SYCP2L: variants seen among roughly 807,000 people sequenced by gnomAD.
SYCP2L encodes synaptonemal complex protein 2-like.
A neutral mutation model predicts 125.8 loss-of-function variants in SYCP2L; 98 were observed. The observed-to-expected ratio is 0.78, with a 90% confidence interval of 0.66 to 0.92. The LOEUF is 0.92. Ranked by LOEUF, SYCP2L falls within the 40% of genes least tolerant of loss-of-function variation. The pLI is 0.00. For missense variants in SYCP2L, 842 were observed against 936.4 expected (o/e 0.90, Z 1.32); for synonymous variants, 317 against 325.4 (o/e 0.97, Z 0.28).
rs1781547484 is a variant in SYCP2L at position 10,958,819 on chromosome 6, T to C, written c.2199T>C (p.Asn733=). 5 of 1,613,724 alleles carry C rather than the reference T, an allele frequency of 3.1e-6. No homozygotes were observed. Among genetic ancestry groups the C allele is most frequent in the Non-Finnish European group, 4.2e-6 (5 of 1,179,906 alleles). The change falls in exon 26 of 30, where the codon AAT becomes AAC. Residue 733 remains asparagine, a synonymous_variant. Transcript: ENST00000283141. ...GAAAGCGTCCGTTTAATTCAGAAAA[T>C]GCAAAGAAAGCACCGGATTGCCTAA... ...RYRKRPFNSE[N]AKKAPDCLIK...
intron 1 of SYCP2L, among the ~76,000 whole-genome samples, chr6:10,887,661 A>C (rs1202937447): frequency 6.6e-6 from 1 of 152,288 alleles, no homozygotes; most frequent in Non-Finnish European, 1.5e-5. Context: ...TGTTTCTAAC[A>C]TTCTTCTGCC....
chr6:10,959,881 A>AG (rs1210909781), intron 26 of SYCP2L, among the ~76,000 whole-genome samples: 3 of 151,498 alleles, frequency 2.0e-5, no homozygotes, highest in Non-Finnish European at 2.9e-5. Flanking sequence ...AAAAAAAAAA[A>AG]AAAGAAAGAA....
intron 23 of SYCP2L, among the ~76,000 whole-genome samples, chr6:10,950,316 G>A (rs575349298): frequency 3.8e-4 from 58 of 152,076 alleles, no homozygotes; most frequent in South Asian, 1.5e-3. Context: ...TTTCATGAGC[G>A]TTCCGTGCCG....
At chr6:10,930,938 C>T (rs536183318) in intron 19 of SYCP2L, among the ~76,000 whole-genome samples, 2 of 152,186 alleles carry the variant, frequency 1.3e-5, no homozygotes, top group East Asian at 1.9e-4. Context: ...TTTGGGAGGC[C>T]GAGGTGGGAG....
intron 10 of SYCP2L, among the ~76,000 whole-genome samples, chr6:10,907,910 T>TG (rs1780529503): frequency 6.8e-6 from 1 of 146,984 alleles, no homozygotes; most frequent in Non-Finnish European, 1.5e-5. Context: ...TTTTTTTTTT[T>TG]GACAGAGTCT....
intron 29 of SYCP2L, among the ~76,000 whole-genome samples, chr6:10,968,946 TCA>T (rs1781723458): frequency 6.6e-6 from 1 of 152,198 alleles, no homozygotes; most frequent in Non-Finnish European, 1.5e-5. Flanking sequence ...TCATGGAGGA[TCA>T]CAGAGTACAT....
At chr6:10,956,530 C>T (rs1040236928) in intron 25 of SYCP2L, among the ~76,000 whole-genome samples, 11 of 152,120 alleles carry the variant, frequency 7.2e-5, no homozygotes, top group African/African-American at 1.9e-4. Context: ...ACTTGAAATT[C>T]GCTAAGAGAG....
chr6:10,961,654 A>G, intron 28 of SYCP2L, 96 bp downstream of exon 28: 2 of 1,225,136 alleles, frequency 1.6e-6, no homozygotes, highest in Admixed American at 1.8e-5. Flanking sequence ...TAAAACTCCC[A>G]TAACTAATGA....
chr6:10,906,450 A>G (rs1278104242), intron 9 of SYCP2L, among the ~76,000 whole-genome samples: 1 of 152,166 alleles, frequency 6.6e-6, no homozygotes, highest in Non-Finnish European at 1.5e-5. Flanking sequence ...AACATGCATT[A>G]TCATTTTGCA....
intron 1 of SYCP2L, among the ~76,000 whole-genome samples, chr6:10,888,394 TATC>T (rs1239577699): frequency 2.0e-5 from 3 of 152,004 alleles, no homozygotes; most frequent in East Asian, 1.9e-4. Flanking sequence ...AGCGCCCGGC[TATC>T]ATCATGTTTT....
chr6:10,966,867 G>T (rs1781689137), intron 29 of SYCP2L, among the ~76,000 whole-genome samples: 1 of 152,114 alleles, frequency 6.6e-6, no homozygotes, highest in Non-Finnish European at 1.5e-5. Flanking sequence ...TGAATGAAAT[G>T]TAGAAATAAC....
intron 29 of SYCP2L, among the ~76,000 whole-genome samples, chr6:10,968,236 G>C (rs576917120): frequency 6.6e-6 from 1 of 152,310 alleles, no homozygotes; most frequent in African/African-American, 2.4e-5. Flanking sequence ...ACATAGCTGT[G>C]GTGGCACTGA....
At chr6:10,962,944 C>T (rs535562179) in intron 28 of SYCP2L, among the ~76,000 whole-genome samples, 1 of 152,262 alleles carries the variant, frequency 6.6e-6, no homozygotes, top group African/African-American at 2.4e-5. Flanking sequence ...CTTCACAGAA[C>T]CTTTGGTTTC....
intron 21 of SYCP2L, among the ~76,000 whole-genome samples, chr6:10,936,045 T>A (rs1348921415): frequency 6.8e-6 from 1 of 147,860 alleles, no homozygotes; most frequent in Non-Finnish European, 1.5e-5. Flanking sequence ...TTTATTATTA[T>A]TAATAACAAT....
At chr6:10,907,719 C>A in intron 10 of SYCP2L, 35 bp downstream of exon 10, 1 of 1,603,860 alleles carries the variant, frequency 6.2e-7, no homozygotes, top group Non-Finnish European at 8.5e-7. Context: ...TCTTATTAGC[C>A]AATATTTATT....
chr6:10,911,090 A>G (rs1383969743), intron 12 of SYCP2L, among the ~76,000 whole-genome samples: 1 of 152,128 alleles, frequency 6.6e-6, no homozygotes, highest in African/African-American at 2.4e-5. Flanking sequence ...CTACTGGAAA[A>G]AGGAATTTTA....
chr6:10,921,710 CTT>C (rs879623432), intron 14 of SYCP2L, among the ~76,000 whole-genome samples: 3 of 143,780 alleles, frequency 2.1e-5, no homozygotes, highest in Non-Finnish European at 4.6e-5. Context: ...CTTTGACCAC[CTT>C]TTTTTTTTTT....
rs760899280 is a variant in SYCP2L, at chr6:10,893,981, C to T, written c.193C>T (p.Arg65Cys). 11 of 1,606,788 alleles carry T rather than the reference C, an allele frequency of 6.8e-6. No homozygotes were observed. The Admixed American group carries it at 6.9e-5, about 10-fold the overall frequency. The part of the protein sequence containing the change: ...PQKYNRLLLY[R>C]LDRSINKELD... Reference sequence around the variant, plus strand: ...AAAATATAATCGTCTTCTATTATACCGTCTTGACAGATCAATAAATAAGGC... The same window carrying T: ...AAAATATAATCGTCTTCTATTATACTGTCTTGACAGATCAATAAATAAGGC... Residue 65 changes from arginine to cysteine, a missense_variant, in exon 3 of 30, where the codon CGT becomes TGT. Physicochemically the swap from Arg to Cys is radical, Grantham distance 180 (BLOSUM62 -3). Coordinates refer to ENST00000283141, the MANE Select transcript of SYCP2L (RefSeq NM_001040274.3).
intron 15 of SYCP2L, among the ~76,000 whole-genome samples, chr6:10,925,067 T>C (rs1780873507): frequency 6.6e-6 from 1 of 151,928 alleles, no homozygotes; most frequent in Non-Finnish European, 1.5e-5. Context: ...AGGAAAGAGG[T>C]TTAATGGACT....
Sources: gnomAD v4.1 joint callset for allele counts (sites outside exome capture counted in the v4.1 genomes callset) on GRCh38, gnomAD v4.1.1 for gene constraint, MANE v1.5 for transcripts, NCBI Gene and HGNC (gene_info 2026-07-23, HGNC 2026-07-21) for gene names.